The following GABRG3 variants were observed in gnomAD, a reference collection of about 807,000 sequenced individuals.
The protein encoded by GABRG3 is gamma-aminobutyric acid receptor subunit gamma-3.
A neutral mutation model predicts 48.8 loss-of-function variants in GABRG3; 25 were observed. That is an observed-to-expected ratio of 0.51 (90% CI 0.37 to 0.72). GABRG3 has a LOEUF of 0.72. GABRG3 is among the 30% of genes least tolerant of loss of function. GABRG3 has a pLI of 0.00. For missense variants in GABRG3, 394 were observed against 577.9 expected, an observed-to-expected ratio of 0.68 and a Z score of 3.26; for synonymous variants, 227 against 217.6, an observed-to-expected ratio of 1.04 and a Z score of -0.38.
intron 3 of GABRG3, among the ~76,000 whole-genome samples, chr15:27,308,044 T>C (rs1053469846): frequency 7.2e-6 from 1 of 137,994 alleles, no homozygotes; most frequent in Non-Finnish European, 1.5e-5. Context: ...TATGTAAATG[T>C]ATATAATATA....
rs538937314 is a variant in GABRG3, at chr15:27,049,282, G to A, written c.270+22461G>A. On this transcript the variant is annotated intron_variant, in intron 3 of 9. Transcript: ENST00000615808. ...GTGTCTTTGCCTTCAGGTAGTTCAT[G>A]CTTTCGCGTTACATGGGTCCACAGA... 3.9e-5 allele frequency among the ~76,000 whole-genome samples: 6 copies of A among 152,370 alleles called. No individual in the cohort carries two copies. In the East Asian group the frequency reaches 1.2e-3, roughly 29 times the overall value.
chr15:27,362,419 G>A (rs1448204928), intron 5 of GABRG3: 1 of 152,158 alleles, frequency 6.6e-6, no homozygotes, highest in Non-Finnish European at 1.5e-5. Flanking sequence ...ATTAAACATG[G>A]TGCTGAGGTT....
At chr15:27,385,879 CAA>C (rs1054948026) in intron 5 of GABRG3, among the ~76,000 whole-genome samples, 40 of 152,274 alleles carry the variant, frequency 2.6e-4, no homozygotes, top group African/African-American at 9.4e-4. Flanking sequence ...TGGGCCCTCT[CAA>C]AGAGAGTTTC....
At chr15:27,024,662 A>G (rs978452271) in intron 2 of GABRG3, among the ~76,000 whole-genome samples, 4 of 152,138 alleles carry the variant, frequency 2.6e-5, no homozygotes, top group Non-Finnish European at 4.4e-5. Context: ...CCTGTGGCCA[A>G]TCTCCTTCTT....
chr15:27,244,329 A>G (rs530986557), intron 3 of GABRG3, among the ~76,000 whole-genome samples: 22 of 152,326 alleles, frequency 1.4e-4, no homozygotes, highest in African/African-American at 5.0e-4. Flanking sequence ...CAGAGGTCCC[A>G]GGAGACTTAC....
rs1363821463 is a variant in GABRG3 at position 27,308,721 on chromosome 15, CATAATGTAA to C, written c.271-18086_271-18078del. Among the ~76,000 whole-genome samples the C allele has an allele frequency of 1.9e-3, 276 of 148,968 alleles. 1 individual carries two copies. The highest frequency in any genetic ancestry group is 5.3e-3 in the African/African-American group (217 of 41,088). On this transcript the variant is annotated intron_variant, in intron 3 of 9. Transcript: ENST00000615808. ...ATGTAAACATACGTTTATATGTAAA[CATAATGTAA>C]ACATACGTTTATATGTAAACATATA...
intron 3 of GABRG3, among the ~76,000 whole-genome samples, chr15:27,083,003 GCTGT>G (rs1271201153): frequency 4.6e-5 from 7 of 152,066 alleles, no homozygotes; most frequent in African/African-American, 1.4e-4. Context: ...CTTTATAAAG[GCTGT>G]CTGTGTGTCT....
rs936223471 is a variant in GABRG3, at chr15:27,225,344, C to G, written c.271-101465C>G. Among the ~76,000 whole-genome samples, 8 of 152,040 alleles carry G rather than the reference C, an allele frequency of 5.3e-5. No individual in the cohort carries two copies. The South Asian group carries it at 1.2e-3, about 24-fold the overall frequency. ...ACTGGAGCCGCCACCTCCCCGCCCC[C>G]CTCCACGTGGAGGCAGGCAGGTAGC... On this transcript the variant is annotated intron_variant, in intron 3 of 9. Coordinates refer to ENST00000615808, the MANE Select transcript of GABRG3 (RefSeq NM_033223.5).
Position 27,465,376 on chromosome 15 carries a change from C to T in GABRG3, c.575-15274C>T, listed in dbSNP as rs78531472. On this transcript the variant is annotated intron_variant, in intron 5 of 9. Coordinates refer to ENST00000615808, the MANE Select transcript of GABRG3 (RefSeq NM_033223.5). ...AGGTCTCTGCGTGACTAACCCCTTC[C>T]TACCAGCTCAGCTGCTTTCCCTCAG... Among the ~76,000 whole-genome samples the T allele has an allele frequency of 4.9e-3, 741 of 152,282 alleles. 3 individuals carry two copies. Among genetic ancestry groups the T allele is most frequent in the South Asian group, 9.3e-3 (45 of 4,824 alleles).
intron 3 of GABRG3, among the ~76,000 whole-genome samples, chr15:27,241,157 A>G (rs536725995): frequency 6.6e-6 from 1 of 152,198 alleles, no homozygotes; most frequent in African/African-American, 2.4e-5. Flanking sequence ...ACTATGAATT[A>G]TGTCTTCTAA....
chr15:27,493,996 T>G (rs1023768851), intron 6 of GABRG3, among the ~76,000 whole-genome samples: 1 of 152,176 alleles, frequency 6.6e-6, no homozygotes, highest in Non-Finnish European at 1.5e-5. Context: ...TATTCTGGTT[T>G]TATAAAAGAA....
At chr15:27,153,080 C>T (rs1055130738) in intron 3 of GABRG3, among the ~76,000 whole-genome samples, 84 of 152,222 alleles carry the variant, frequency 5.5e-4, no homozygotes, top group African/African-American at 2.0e-3. Flanking sequence ...CCAGGATGGT[C>T]TCGATCTCCT....
intron 5 of GABRG3, among the ~76,000 whole-genome samples, chr15:27,338,033 G>A (rs922257968): frequency 1.3e-5 from 2 of 152,100 alleles, no homozygotes; most frequent in African/African-American, 4.8e-5. Context: ...TGGAGCGAGG[G>A]GAGTCTTAAA....
At position 27,535,464 on chromosome 15, in the gene GABRG3, C is replaced by A. The variant is rs1891527191; in HGVS notation, c.*2583C>A. 6.6e-6 allele frequency: 1 copy of A among 152,220 alleles called. No individual in the cohort carries two copies. Among genetic ancestry groups the A allele is most frequent in the African/African-American group, 2.4e-5 (1 of 41,458 alleles). The allele number at this position is 152,220 out of a possible 1,614,324, so 9.4% of individuals were successfully genotyped here. A position where few individuals can be genotyped will look rare whatever the true frequency, so the allele number is the denominator to read the frequency against. The stretch of plus-strand genomic sequence containing the variant: ...GTTTTCTGAATCCAGCCATTCTCTT[C>A]TTCCCAACCTCAGCAGCCCTCCTGA... On this transcript the variant is annotated 3_prime_UTR_variant, in exon 10 of 10. Coordinates refer to ENST00000615808, the MANE Select transcript of GABRG3 (RefSeq NM_033223.5).
At chr15:27,432,651 C>T (rs1888491274) in intron 5 of GABRG3, among the ~76,000 whole-genome samples, 1 of 152,176 alleles carries the variant, frequency 6.6e-6, no homozygotes, top group African/African-American at 2.4e-5. Context: ...GACTGAATTT[C>T]CTAAATTTAG....
rs1435326529 is a variant in GABRG3, at chr15:27,107,748, A to G, written c.270+80927A>G. ...TAAATATATGCTGTTCAGGTTGACTATTTCCCATTGAGTGAGTTTTAGTAG... is the reference window on the plus strand; with the variant it reads ...TAAATATATGCTGTTCAGGTTGACTGTTTCCCATTGAGTGAGTTTTAGTAG... On this transcript the variant is annotated intron_variant, in intron 3 of 9. Coordinates refer to ENST00000615808, the MANE Select transcript of GABRG3 (RefSeq NM_033223.5). 3.3e-5 allele frequency among the ~76,000 whole-genome samples: 5 copies of G among 151,922 alleles called. 1 individual carries two copies. Among genetic ancestry groups the G allele is most frequent in the Admixed American group, 2.0e-4 (3 of 15,240 alleles).
intron 5 of GABRG3, chr15:27,364,171 A>T (rs28377598): frequency 0.31 from 46,785 of 152,146 alleles, 8,275 homozygotes; most frequent in African/African-American, 0.47. Context: ...TCAAGCTTGC[A>T]TTATGAAAAC....
intron 3 of GABRG3, among the ~76,000 whole-genome samples, chr15:27,235,664 T>G (rs28719753): frequency 0.019 from 2,882 of 152,226 alleles, 93 homozygotes; most frequent in African/African-American, 0.066. Context: ...AAACAGAAGT[T>G]TATTGACACG....
intron 5 of GABRG3, among the ~76,000 whole-genome samples, chr15:27,435,194 A>G (rs1459983309): frequency 6.7e-6 from 1 of 148,886 alleles, no homozygotes; most frequent in African/African-American, 2.4e-5. Context: ...ATAGTCTTTT[A>G]TATTTTATAT....
Sources: gnomAD v4.1 joint callset for allele counts (sites outside exome capture counted in the v4.1 genomes callset) on GRCh38, gnomAD v4.1.1 for gene constraint, MANE v1.5 for transcripts, NCBI Gene and HGNC (gene_info 2026-07-23, HGNC 2026-07-21) for gene names.